RBM19: variants seen among roughly 807,000 people sequenced by gnomAD.
RBM19 encodes RNA binding motif protein 19.
In RBM19, 94 loss-of-function variants were observed where a neutral mutation model predicts 116.8. The observed-to-expected ratio is 0.80, with a 90% CI of 0.68 to 0.95. The LOEUF is 0.95. Among genes scored for constraint, RBM19 ranks in the 40% least tolerant of loss-of-function variants. The pLI, the probability that RBM19 is intolerant of heterozygous loss-of-function variation, is 0.00. For missense variants in RBM19, 1,161 were observed against 1,220.7 expected (o/e 0.95, Z 0.73); for synonymous variants, 475 against 494.1 (o/e 0.96, Z 0.51).
At position 113,908,505 on chromosome 12, in the gene RBM19, G is replaced by C. The variant is rs1244454347; in HGVS notation, c.2558+6464C>G. ...GCAAGCCTTGTAATTAAGATCTCCA[G>C]ACACCTGTTGTGAACTCTCGCCCAT... is the stretch of plus-strand genomic sequence containing the variant. On this transcript the variant is annotated intron_variant, in intron 21 of 23. Coordinates refer to ENST00000261741, the MANE Select transcript of RBM19 (RefSeq NM_016196.4). Among the ~76,000 whole-genome samples, 3 of 127,190 alleles carry C rather than the reference G, an allele frequency of 2.4e-5. No individual in the cohort carries two copies. In the Admixed American group the frequency reaches 3.1e-4, roughly 13 times the overall value. 83.4% of individuals were successfully genotyped at this position (127,190 alleles called of 152,430 possible).
chr12:113,945,028 T>A (rs1182641115), intron 13 of RBM19, among the ~76,000 whole-genome samples: 1 of 152,038 alleles, frequency 6.6e-6, no homozygotes, highest in Non-Finnish European at 1.5e-5. Flanking sequence ...AGTCTAGAGA[T>A]CTAATATAAA....
At chr12:113,917,574 A>G (rs934234943) in intron 20 of RBM19, among the ~76,000 whole-genome samples, 5 of 152,198 alleles carry the variant, frequency 3.3e-5, no homozygotes, top group African/African-American at 1.2e-4. Flanking sequence ...AAGCATTAAC[A>G]ACAAAGAAAG....
chr12:113,863,692 T>C (rs1400285708), intron 21 of RBM19, among the ~76,000 whole-genome samples: 2 of 152,102 alleles, frequency 1.3e-5, no homozygotes, highest in Non-Finnish European at 2.9e-5. Context: ...CAAGGCATTG[T>C]TGAGAAAAGA....
At chr12:113,963,731 G>A (rs1052694245) in intron 1 of RBM19, among the ~76,000 whole-genome samples, 2 of 152,110 alleles carry the variant, frequency 1.3e-5, no homozygotes, top group Non-Finnish European at 2.9e-5. Flanking sequence ...AAAACCTTTC[G>A]GTGACTTTCT....
rs984143526 is a variant in RBM19, at chr12:113,858,132, C to T, written c.2664+659G>A. On this transcript the variant is annotated intron_variant, in intron 22 of 23. Transcript: ENST00000261741. ...ACAGCCAGGCTCTTGTTCACACAGC[C>T]TCTGCCCCACATTGGAGGCTGGGCC... 2.6e-5 allele frequency among the ~76,000 whole-genome samples: 4 copies of T among 152,348 alleles called. No individual in the cohort carries two copies. The East Asian group carries it at 7.7e-4, about 29-fold the overall frequency.
chr12:113,840,302 A>C (rs1876350843), intron 23 of RBM19, among the ~76,000 whole-genome samples: 1 of 152,078 alleles, frequency 6.6e-6, no homozygotes, highest in Non-Finnish European at 1.5e-5. Flanking sequence ...CCTGGTCCAC[A>C]CAGGTGAGGC....
chr12:113,920,764 GC>G, intron 18 of RBM19, 74 bp from the exon 19 acceptor site: 7 of 1,356,528 alleles, frequency 5.2e-6, no homozygotes, highest in Non-Finnish European at 7.4e-6. Context: ...GCTGTGACGG[GC>G]CCCCAGACCT....
rs1013811299 is a variant in RBM19, at chr12:113,822,990, C to A, written c.*234G>T. On this transcript the variant is annotated 3_prime_UTR_variant, in exon 24 of 24. Transcript: ENST00000261741. Reference sequence around the variant, plus strand: ...TTCCGTGTCTGCTACAGAGCAGGTGCGCAGTCAGTGTCTGCTAGAACGCGT... The same window carrying A: ...TTCCGTGTCTGCTACAGAGCAGGTGAGCAGTCAGTGTCTGCTAGAACGCGT... 2.6e-5 allele frequency: 14 copies of A among 533,686 alleles called. No homozygotes were observed. The South Asian group carries it at 2.7e-4, about 10-fold the overall frequency. The allele number at this position is 533,686 out of a possible 1,614,324, so 33.1% of individuals were successfully genotyped here.
intron 21 of RBM19, among the ~76,000 whole-genome samples, chr12:113,905,711 A>T (rs935913011): frequency 6.6e-6 from 1 of 152,230 alleles, no homozygotes; most frequent in African/African-American, 2.4e-5. Context: ...GAATACAGAA[A>T]GTTAAATAAA....
chr12:113,877,535 C>T (rs901866827), intron 21 of RBM19, among the ~76,000 whole-genome samples: 2 of 152,220 alleles, frequency 1.3e-5, no homozygotes, highest in African/African-American at 2.4e-5. Context: ...TGCGTCCATA[C>T]ACTGTAGCTA....
intron 18 of RBM19, among the ~76,000 whole-genome samples, chr12:113,923,078 G>A (rs559632505): frequency 6.6e-6 from 1 of 152,332 alleles, no homozygotes; most frequent in African/African-American, 2.4e-5. Context: ...AGGTTGCAGT[G>A]AGCTGAGATC....
intron 21 of RBM19, among the ~76,000 whole-genome samples, chr12:113,905,073 G>C (rs1333204524): frequency 2.0e-5 from 3 of 152,196 alleles, no homozygotes; most frequent in Non-Finnish European, 4.4e-5. Context: ...ACACCTGCTA[G>C]TCCCCCTGAG....
In RBM19 at chr12:113,946,458, C is replaced by A. The variant is rs1871032887; in HGVS notation, c.1425G>T (p.Val475=). 1 of 1,614,012 alleles carries A rather than the reference C, an allele frequency of 6.2e-7. No individual in the cohort carries two copies. Among genetic ancestry groups the A allele is most frequent in the African/African-American group, 1.3e-5 (1 of 74,916 alleles). ...GQVFQGRMLH[V]LPSTIKKEAS... ...CTTCCTTCTTGATGGTAGATGGTAACACGTGGAGCATCCTGCCCTGGATGG... is the reference window on the plus strand; with the variant it reads ...CTTCCTTCTTGATGGTAGATGGTAAAACGTGGAGCATCCTGCCCTGGATGG... The change falls in exon 12 of 24, where the codon GTG becomes GTT. Residue 475 remains valine (V), a synonymous_variant. Transcript: ENST00000261741.
intron 23 of RBM19, among the ~76,000 whole-genome samples, chr12:113,837,388 G>GT (rs1183842602): frequency 1.8e-4 from 27 of 152,302 alleles, no homozygotes; most frequent in African/African-American, 6.0e-4. Flanking sequence ...AAAGAAAGTG[G>GT]GAGTATTTTT....
At chr12:113,899,097 A>C (rs1881519334) in intron 21 of RBM19, among the ~76,000 whole-genome samples, 1 of 152,244 alleles carries the variant, frequency 6.6e-6, no homozygotes, top group Non-Finnish European at 1.5e-5. Flanking sequence ...CTCAAGTTTG[A>C]GAAACACTGT....
chr12:113,823,388 G>T (rs917990705), intron 23 of RBM19, 67 bp from the exon 24 acceptor site: 2 of 1,394,726 alleles, frequency 1.4e-6, no homozygotes, highest in Admixed American at 1.8e-5. Flanking sequence ...CAGGAAGAGA[G>T]AAATGACAGA....
At chr12:113,939,531 C>T (rs1268943554) in intron 15 of RBM19, among the ~76,000 whole-genome samples, 2 of 151,826 alleles carry the variant, frequency 1.3e-5, no homozygotes, top group East Asian at 2.0e-4. Context: ...GGGCGGATCA[C>T]GAGGTCAGGA....
intron 21 of RBM19, among the ~76,000 whole-genome samples, chr12:113,862,776 A>G (rs1362534636): frequency 6.6e-6 from 1 of 152,208 alleles, no homozygotes; most frequent in African/African-American, 2.4e-5. Flanking sequence ...TGCAGATAAT[A>G]GAAACCACAA....
At chr12:113,847,237 A>ACATG (rs1198834755) in intron 22 of RBM19, among the ~76,000 whole-genome samples, 1 of 152,252 alleles carries the variant, frequency 6.6e-6, no homozygotes, top group African/African-American at 2.4e-5. Flanking sequence ...GGTGACTAGA[A>ACATG]CATGCATCTT....
Sources: allele counts gnomAD v4.1 joint callset (sites outside exome capture counted in the v4.1 genomes callset), GRCh38; gene constraint gnomAD v4.1.1; transcripts MANE v1.5; gene names NCBI Gene and HGNC (gene_info 2026-07-23, HGNC 2026-07-21).